The following SEMA5A variants were observed in gnomAD, a reference collection of about 807,000 sequenced individuals.
SEMA5A encodes the protein semaphorin 5A.
A neutral mutation model predicts 135.5 loss-of-function variants in SEMA5A; 55 were observed. The observed-to-expected ratio is 0.41, with a 90% CI of 0.33 to 0.51. The LOEUF (loss-of-function observed/expected upper bound fraction) is 0.51. Ranked by LOEUF, SEMA5A falls within the 20% of genes least tolerant of loss-of-function variation. The probability of loss-of-function intolerance (pLI) is 0.37; values close to 1 mark genes in which losing one functional copy is unlikely to be tolerated. For missense variants in SEMA5A, 1,290 were observed against 1,419.9 expected, an observed-to-expected ratio of 0.91 and a Z score of 1.47; for synonymous variants, 580 against 546.5, an observed-to-expected ratio of 1.06 and a Z score of -0.85.
chr5:9,521,348 C>T lies in SEMA5A; in HGVS notation c.-175+24236G>A, dbSNP rs552016815. Among the ~76,000 whole-genome samples, 168 of 152,128 alleles carry T rather than the reference C, an allele frequency of 1.1e-3. 1 individual carries two copies. Among genetic ancestry groups the T allele is most frequent in the Non-Finnish European group, 2.0e-3 (136 of 68,006 alleles). ...TCACTTGAACCCAGGAGGTGGAGGC[C>T]GCAGTGAGCGGAGATCACGCCACTG... is the stretch of plus-strand genomic sequence containing the variant. On this transcript the variant is annotated intron_variant, in intron 1 of 22. Transcript: ENST00000382496.
intron 2 of SEMA5A, among the ~76,000 whole-genome samples, chr5:9,400,750 C>T (rs1756624756): frequency 1.8e-5 from 1 of 54,290 alleles, no homozygotes; most frequent in Non-Finnish European, 3.7e-5. Context: ...TCGTGATCCG[C>T]CCGCCTCGGC....
intron 19 of SEMA5A, among the ~76,000 whole-genome samples, chr5:9,053,088 T>TA (rs916635542): frequency 6.6e-6 from 1 of 152,006 alleles, no homozygotes; most frequent in Non-Finnish European, 1.5e-5. Flanking sequence ...AGGAGCAAGC[T>TA]AAAAAAAATT....
At chr5:9,238,455 A>G (rs1332044174) in intron 5 of SEMA5A, among the ~76,000 whole-genome samples, 1 of 152,176 alleles carries the variant, frequency 6.6e-6, no homozygotes, top group Non-Finnish European at 1.5e-5. Flanking sequence ...TCATTTTCAT[A>G]CTATTATTAG....
chr5:9,060,778 G>A (rs1469922628), intron 18 of SEMA5A, among the ~76,000 whole-genome samples: 1 of 152,050 alleles, frequency 6.6e-6, no homozygotes, highest in Non-Finnish European at 1.5e-5. Flanking sequence ...TTATATACAT[G>A]TTTATTCATC....
At chr5:9,368,932 T>G (rs1755023213) in intron 3 of SEMA5A, among the ~76,000 whole-genome samples, 1 of 152,226 alleles carries the variant, frequency 6.6e-6, no homozygotes, top group Non-Finnish European at 1.5e-5. Context: ...TTTCTGGGAC[T>G]TATTGTAAGT....
intron 5 of SEMA5A, among the ~76,000 whole-genome samples, chr5:9,285,232 G>T (rs1414903168): frequency 1.3e-5 from 2 of 152,104 alleles, no homozygotes; most frequent in Non-Finnish European, 2.9e-5. Flanking sequence ...ATGTTCCTGT[G>T]TGGAAAATGC....
intron 2 of SEMA5A, among the ~76,000 whole-genome samples, chr5:9,417,362 T>C (rs757650698): frequency 2.0e-5 from 3 of 152,376 alleles, no homozygotes; most frequent in Non-Finnish European, 4.4e-5. Flanking sequence ...GTGTGCACAT[T>C]ATCCACTTTA....
At chr5:9,302,380 T>G (rs1223393517) in intron 5 of SEMA5A, among the ~76,000 whole-genome samples, 1 of 152,190 alleles carries the variant, frequency 6.6e-6, no homozygotes, top group Non-Finnish European at 1.5e-5. Context: ...CCTTACAGGC[T>G]AACGCATGGA....
chr5:9,306,251 C>T (rs1751864624), intron 5 of SEMA5A, among the ~76,000 whole-genome samples: 1 of 152,124 alleles, frequency 6.6e-6, no homozygotes, highest in African/African-American at 2.4e-5. Context: ...TCTTCCTTCT[C>T]CTTTTGAGAC....
chr5:9,451,753 G>A (rs1171185580), intron 1 of SEMA5A, among the ~76,000 whole-genome samples: 2 of 152,146 alleles, frequency 1.3e-5, no homozygotes, highest in Non-Finnish European at 2.9e-5. Context: ...AATAAAATGA[G>A]GAGGGTAAGA....
rs73043699 is a variant in SEMA5A, at chr5:9,093,232, A to G, written c.2073+14908T>C. 2.0e-3 allele frequency among the ~76,000 whole-genome samples: 302 copies of G among 152,356 alleles called. 1 individual carries two copies. Among genetic ancestry groups the G allele is most frequent in the African/African-American group, 6.9e-3 (287 of 41,582 alleles). On this transcript the variant is annotated intron_variant, in intron 16 of 22. Coordinates refer to ENST00000382496, the MANE Select transcript of SEMA5A (RefSeq NM_003966.3). The stretch of plus-strand genomic sequence containing the variant: ...TCTGAAACCATAACATTATGTATGT[A>G]TATACAATCAGATAGCTTCCCTCTT...
intron 8 of SEMA5A, among the ~76,000 whole-genome samples, chr5:9,205,450 A>G (rs1450791646): frequency 3.3e-5 from 5 of 152,138 alleles, no homozygotes; most frequent in African/African-American, 1.2e-4. Context: ...CAGAGAGCCA[A>G]TAAATGACTT....
At chr5:9,184,739 T>C (rs1477890760) in intron 11 of SEMA5A, among the ~76,000 whole-genome samples, 1 of 152,208 alleles carries the variant, frequency 6.6e-6, no homozygotes. Flanking sequence ...ATTTCAACTC[T>C]GGGTACTGAC....
chr5:9,068,096 G>T (rs1412267031), intron 16 of SEMA5A, among the ~76,000 whole-genome samples: 1 of 152,142 alleles, frequency 6.6e-6, no homozygotes, highest in African/African-American at 2.4e-5. Flanking sequence ...TTTCAAGGTT[G>T]TAGTCTTTCT....
intron 11 of SEMA5A, among the ~76,000 whole-genome samples, chr5:9,167,630 C>G (rs1743685581): frequency 6.6e-6 from 1 of 152,228 alleles, no homozygotes; most frequent in Non-Finnish European, 1.5e-5. Context: ...AGAGCCAGCT[C>G]TCAGGCCTCT....
intron 16 of SEMA5A, among the ~76,000 whole-genome samples, chr5:9,075,353 C>T (rs1297350250): frequency 6.6e-6 from 1 of 152,100 alleles, no homozygotes; most frequent in Non-Finnish European, 1.5e-5. Flanking sequence ...GAAACACATG[C>T]CCATACAAAC....
rs746321734 is a variant in SEMA5A at position 9,136,463 on chromosome 5, A to G, written c.1599+41T>C. The G allele has an allele frequency of 5.3e-6, 8 of 1,519,174 alleles. No homozygotes were observed. The Middle Eastern group carries it at 6.8e-4, about 129-fold the overall frequency. 94.1% of individuals were successfully genotyped at this position (1,519,174 alleles called of 1,614,324 possible). ...GGATCGCCAGGGGAGCATGGCTCCC[A>G]TGGGCAGCATTTTCAGAGGATGGAG... On this transcript the variant is annotated intron_variant, in intron 13 of 22. Transcript: ENST00000382496.
intron 2 of SEMA5A, among the ~76,000 whole-genome samples, chr5:9,433,108 TC>T (rs1454497372): frequency 5.3e-5 from 8 of 152,172 alleles, no homozygotes; most frequent in Non-Finnish European, 1.2e-4. Flanking sequence ...ATTGTTATTG[TC>T]CGAACATCCA....
At chr5:9,122,412 T>C (rs1172603440) in intron 14 of SEMA5A, among the ~76,000 whole-genome samples, 2 of 152,230 alleles carry the variant, frequency 1.3e-5, no homozygotes, top group African/African-American at 2.4e-5. Context: ...GCCAATCATA[T>C]TGTCCAAATT....
Sources: gnomAD v4.1 joint callset for allele counts (sites outside exome capture counted in the v4.1 genomes callset) on GRCh38, gnomAD v4.1.1 for gene constraint, MANE v1.5 for transcripts, NCBI Gene and HGNC (gene_info 2026-07-23, HGNC 2026-07-21) for gene names.